CPPED1: variants seen among roughly 807,000 people sequenced by gnomAD.
The protein encoded by CPPED1 is calcineurin like phosphoesterase domain containing 1.
CPPED1 carries 28 observed loss-of-function variants against 28.0 expected under a neutral mutation model. The observed-to-expected ratio is 1.00, with a 90% CI of 0.74 to 1.37. The LOEUF (loss-of-function observed/expected upper bound fraction) is 1.37, where lower values mean the gene tolerates loss of function less well. CPPED1 is among the 40% of genes most tolerant of loss of function. The probability of loss-of-function intolerance (pLI) is 0.00; values close to 1 mark genes in which losing one functional copy is unlikely to be tolerated. For missense variants in CPPED1, 504 were observed against 416.5 expected (o/e 1.21, Z -1.83); for synonymous variants, 198 against 180.2 (o/e 1.10, Z -0.79).
chr16:12,688,509 T>C lies in CPPED1; in HGVS notation c.715+16115A>G, dbSNP rs1450517248. On this transcript the variant is annotated intron_variant, in intron 3 of 3. Coordinates refer to ENST00000381774, the MANE Select transcript of CPPED1 (RefSeq NM_018340.3). Reference sequence around the variant, plus strand: ...AGCCGCCACCACACCTGGCTAACTTTTGTATTTTTAGTAGAGATGGAGTTT... The same window carrying C: ...AGCCGCCACCACACCTGGCTAACTTCTGTATTTTTAGTAGAGATGGAGTTT... Among the ~76,000 whole-genome samples, 3 of 152,044 alleles carry C rather than the reference T, an allele frequency of 2.0e-5. 1 individual carries two copies. The highest frequency in any genetic ancestry group is 4.2e-4 in the South Asian group (2 of 4,814).
At position 12,727,413 on chromosome 16, in the gene CPPED1, C is replaced by A. The variant is rs552993732; in HGVS notation, c.290-22364G>T. 7.2e-5 allele frequency among the ~76,000 whole-genome samples: 11 copies of A among 152,218 alleles called. No homozygotes were observed. The South Asian group carries it at 2.3e-3, about 32-fold the overall frequency. On this transcript the variant is annotated intron_variant, in intron 2 of 3. Coordinates refer to ENST00000381774, the MANE Select transcript of CPPED1 (RefSeq NM_018340.3). ...TGCTGCCCAGGCTGGAGTGCAGTGGCATGACCATAATTCACTACAGACTCG... is the reference window on the plus strand; with the variant it reads ...TGCTGCCCAGGCTGGAGTGCAGTGGAATGACCATAATTCACTACAGACTCG...
At chr16:12,757,691 T>C (rs1219965709) in intron 2 of CPPED1, 1 of 138,828 alleles carries the variant, frequency 7.2e-6, no homozygotes, top group Non-Finnish European at 1.5e-5. Context: ...CGCAACGGAC[T>C]TCATGCCTTT....
intron 2 of CPPED1, chr16:12,753,466 G>C (rs981851536): frequency 6.6e-6 from 1 of 152,380 alleles, no homozygotes; most frequent in African/African-American, 2.4e-5. Context: ...CAGCAGCAGA[G>C]AACAGAAGGC....
intron 3 of CPPED1, among the ~76,000 whole-genome samples, chr16:12,696,635 G>T (rs2141182014): frequency 6.6e-6 from 1 of 152,092 alleles, no homozygotes. Context: ...TAGAGATGGG[G>T]TTTCACCATG....
At chr16:12,751,944 CT>C (rs2080332156) in intron 2 of CPPED1, among the ~76,000 whole-genome samples, 1 of 152,142 alleles carries the variant, frequency 6.6e-6, no homozygotes, top group Non-Finnish European at 1.5e-5. Flanking sequence ...TGAGAAATGT[CT>C]GTGCTAGGAA....
In CPPED1 at chr16:12,662,566, G is replaced by C. The variant is rs1327178972; in HGVS notation, c.*2320C>G. 6.6e-6 allele frequency: 1 copy of C among 152,048 alleles called. No individual in the cohort carries two copies. Among genetic ancestry groups the C allele is most frequent in the African/African-American group, 2.4e-5 (1 of 41,380 alleles). 9.4% of individuals were successfully genotyped at this position (152,048 alleles called of 1,614,324 possible). A position where few individuals can be genotyped will look rare whatever the true frequency, so the allele number is the denominator to read the frequency against. On this transcript the variant is annotated 3_prime_UTR_variant, in exon 4 of 4. Coordinates refer to ENST00000381774, the MANE Select transcript of CPPED1 (RefSeq NM_018340.3). ...CCACCCTTCTGAGTCTCCAATGTTT[G>C]TTCCACACTCTATGTTCATGGGTAC...
intron 2 of CPPED1, among the ~76,000 whole-genome samples, chr16:12,756,600 G>C (rs1048994877): frequency 2.6e-5 from 4 of 152,100 alleles, no homozygotes; most frequent in East Asian, 1.9e-4. Context: ...CCAGTTACTT[G>C]GGAGGCTGAG....
At chr16:12,798,473 G>C (rs1259159302) in intron 1 of CPPED1, among the ~76,000 whole-genome samples, 1 of 152,154 alleles carries the variant, frequency 6.6e-6, no homozygotes, top group Non-Finnish European at 1.5e-5. Flanking sequence ...AAAGTTCTTA[G>C]GTGAGACCTG....
At chr16:12,772,083 G>A (rs756747032) in intron 2 of CPPED1, among the ~76,000 whole-genome samples, 14 of 151,960 alleles carry the variant, frequency 9.2e-5, no homozygotes, top group Non-Finnish European at 1.6e-4. Context: ...AGATCGTACC[G>A]CTGCACTCCA....
intron 1 of CPPED1, among the ~76,000 whole-genome samples, chr16:12,783,720 T>C (rs1357532621): frequency 6.6e-6 from 1 of 151,308 alleles, no homozygotes; most frequent in African/African-American, 2.4e-5. Context: ...TTTTCAGAGT[T>C]AAAGAAAAAA....
At chr16:12,761,637 T>G (rs73506391) in intron 2 of CPPED1, among the ~76,000 whole-genome samples, 14,364 of 152,220 alleles carry the variant, frequency 0.094, 2,153 homozygotes, top group African/African-American at 0.32. Flanking sequence ...AAGCTATGGA[T>G]ACCAGCAATG....
At chr16:12,792,774 G>A (rs752739994) in intron 1 of CPPED1, among the ~76,000 whole-genome samples, 3 of 152,124 alleles carry the variant, frequency 2.0e-5, no homozygotes, top group Non-Finnish European at 2.9e-5. Flanking sequence ...TCTCTTGCCT[G>A]CCACCATGTA....
At chr16:12,793,788 G>C (rs1258142317) in intron 1 of CPPED1, among the ~76,000 whole-genome samples, 1 of 152,150 alleles carries the variant, frequency 6.6e-6, no homozygotes, top group Non-Finnish European at 1.5e-5. Flanking sequence ...CATCTGATGA[G>C]AGACACATAT....
At chr16:12,668,449 A>C (rs1177643512) in intron 3 of CPPED1, among the ~76,000 whole-genome samples, 5 of 152,246 alleles carry the variant, frequency 3.3e-5, no homozygotes, top group Admixed American at 2.6e-4. Flanking sequence ...AAAAATGTAT[A>C]GTTACCTTAT....
intron 2 of CPPED1, among the ~76,000 whole-genome samples, chr16:12,777,814 GGAT>G (rs5815717): frequency 0.23 from 34,222 of 150,768 alleles, 4,172 homozygotes; most frequent in Non-Finnish European, 0.28. Flanking sequence ...ACATTTTTGT[GGAT>G]GATAAGTACT....
rs1406207133 is a variant in CPPED1 at position 12,692,082 on chromosome 16, G to A, written c.715+12542C>T. ...TTTGCCAGGCTAGTCTTGAACTCCTGACCTCAAGTGATCTGCCTGCCTCGG... is the reference window on the plus strand; with the variant it reads ...TTTGCCAGGCTAGTCTTGAACTCCTAACCTCAAGTGATCTGCCTGCCTCGG... On this transcript the variant is annotated intron_variant, in intron 3 of 3. Transcript: ENST00000381774. Among the ~76,000 whole-genome samples, 3 of 152,206 alleles carry A rather than the reference G, an allele frequency of 2.0e-5. No individual in the cohort carries two copies. In the East Asian group the frequency reaches 5.8e-4, roughly 29 times the overall value.
At chr16:12,714,661 G>C (rs561973389) in intron 2 of CPPED1, among the ~76,000 whole-genome samples, 3 of 152,060 alleles carry the variant, frequency 2.0e-5, no homozygotes, top group Non-Finnish European at 2.9e-5. Context: ...TTAATATTTA[G>C]TTGTAAGAGT....
chr16:12,669,759 C>G (rs1390048189), intron 3 of CPPED1, among the ~76,000 whole-genome samples: 1 of 152,092 alleles, frequency 6.6e-6, no homozygotes, highest in Non-Finnish European at 1.5e-5. Flanking sequence ...TAAGGATTCT[C>G]TAATAAAAGG....
intron 2 of CPPED1, among the ~76,000 whole-genome samples, chr16:12,743,444 A>G (rs1336255909): frequency 6.6e-6 from 1 of 152,208 alleles, no homozygotes; most frequent in East Asian, 1.9e-4. Context: ...ACAAGACCCT[A>G]AAATGCACCG....
Sources: allele counts gnomAD v4.1 joint callset (sites outside exome capture counted in the v4.1 genomes callset), GRCh38; gene constraint gnomAD v4.1.1; transcripts MANE v1.5; gene names NCBI Gene and HGNC (gene_info 2026-07-23, HGNC 2026-07-21).